The following NIBAN1 variants were observed in gnomAD, a reference collection of about 807,000 sequenced individuals.
NIBAN1 encodes protein Niban 1.
In NIBAN1, 81 loss-of-function variants were observed where a neutral mutation model predicts 75.1. The ratio of observed to expected loss-of-function variants is 1.08; its 90% CI spans 0.90 to 1.30. The LOEUF (loss-of-function observed/expected upper bound fraction) is 1.30. NIBAN1 is among the 50% of genes most tolerant of loss of function. The pLI, the probability that NIBAN1 is intolerant of heterozygous loss-of-function variation, is 0.00. For missense variants in NIBAN1, 1,133 were observed against 1,128.1 expected (o/e 1.00, Z -0.06); for synonymous variants, 436 against 424.8 (o/e 1.03, Z -0.32).
intron 1 of NIBAN1, among the ~76,000 whole-genome samples, chr1:184,937,145 C>CTTTTTTTTTT (rs138240427): frequency 4.3e-5 from 4 of 92,128 alleles, no homozygotes; most frequent in Non-Finnish European, 8.1e-5. Context: ...TAGCTGGATT[C>CTTTTTTTTTT]TTTTTTTTTT....
chr1:184,859,837 A>G (rs1655770813), intron 5 of NIBAN1, among the ~76,000 whole-genome samples: 1 of 152,168 alleles, frequency 6.6e-6, no homozygotes, highest in Non-Finnish European at 1.5e-5. Flanking sequence ...TTTCATGGGC[A>G]GCATGGTGAG....
At chr1:184,819,398 T>C (rs1006090651) in intron 8 of NIBAN1, among the ~76,000 whole-genome samples, 2 of 152,152 alleles carry the variant, frequency 1.3e-5, no homozygotes, top group Admixed American at 1.3e-4. Flanking sequence ...TAGGTTTTTC[T>C]GACCAAGATG....
chr1:184,860,397 A>T, intron 5 of NIBAN1, among the ~76,000 whole-genome samples: 1 of 152,222 alleles, frequency 6.6e-6, no homozygotes, highest in East Asian at 1.9e-4. Flanking sequence ...AAATTGTATA[A>T]TTGTGACTTA....
intron 12 of NIBAN1, among the ~76,000 whole-genome samples, chr1:184,803,085 T>C (rs1333032255): frequency 1.3e-5 from 2 of 152,232 alleles, no homozygotes; most frequent in African/African-American, 4.8e-5. Context: ...TTTAAGTGGT[T>C]TCATTGATTT....
intron 12 of NIBAN1, 84 bp downstream of exon 12, chr1:184,803,501 G>C (rs1270630627): frequency 1.4e-5 from 15 of 1,044,400 alleles, no homozygotes; most frequent in Non-Finnish European, 2.0e-5. Flanking sequence ...CTAGTCTGCT[G>C]TTTGCCAGTA....
At chr1:184,962,781 G>A (rs1439382051) in intron 1 of NIBAN1, among the ~76,000 whole-genome samples, 1 of 152,158 alleles carries the variant, frequency 6.6e-6, no homozygotes, top group African/African-American at 2.4e-5. Context: ...GGATTTGTGA[G>A]TTCATAATGA....
At chr1:184,959,120 A>G (rs1214943605) in intron 1 of NIBAN1, among the ~76,000 whole-genome samples, 2 of 152,372 alleles carry the variant, frequency 1.3e-5, no homozygotes, top group East Asian at 3.9e-4. Flanking sequence ...TGCTTTTTAA[A>G]GGAACATCCA....
intron 1 of NIBAN1, among the ~76,000 whole-genome samples, chr1:184,926,794 C>G (rs1252509903): frequency 6.6e-6 from 1 of 152,184 alleles, no homozygotes; most frequent in Non-Finnish European, 1.5e-5. Flanking sequence ...GCCAATAACT[C>G]AGACTTGCCC....
rs1270524042 is a variant in NIBAN1, at chr1:184,866,040, G to A, written c.601+18593C>T. ...TTTCAAATGATGACCTACTTCCCAT[G>A]CTCCTTTATTCAGTTAAAAAAAAAT... On this transcript the variant is annotated intron_variant, in intron 5 of 13. Coordinates refer to ENST00000367511, the MANE Select transcript of NIBAN1 (RefSeq NM_052966.4). 3.9e-5 allele frequency among the ~76,000 whole-genome samples: 6 copies of A among 151,950 alleles called. No homozygotes were observed. In the East Asian group the frequency reaches 9.7e-4, roughly 24 times the overall value.
intron 5 of NIBAN1, among the ~76,000 whole-genome samples, chr1:184,838,572 C>T (rs1047038356): frequency 6.6e-6 from 1 of 152,178 alleles, no homozygotes; most frequent in African/African-American, 2.4e-5. Context: ...GCATGGAAAA[C>T]TCATATTTGG....
chr1:184,823,052 T>A, intron 8 of NIBAN1, 115 bp downstream of exon 8: 1 of 1,265,842 alleles, frequency 7.9e-7, no homozygotes, highest in Non-Finnish European at 1.1e-6. Flanking sequence ...TGTGATCACC[T>A]CCTCCCAATT....
intron 1 of NIBAN1, among the ~76,000 whole-genome samples, chr1:184,942,871 GA>G (rs904838279): frequency 3.9e-5 from 6 of 152,078 alleles, no homozygotes; most frequent in African/African-American, 7.2e-5. Context: ...TCGAATATGA[GA>G]AAAGGGACCT....
rs904947406 is a variant in NIBAN1 at position 184,820,586 on chromosome 1, G to A, written c.986-1761C>T. Among the ~76,000 whole-genome samples, 18 of 152,194 alleles carry A rather than the reference G, an allele frequency of 1.2e-4. 1 individual carries two copies. Among genetic ancestry groups the A allele is most frequent in the South Asian group, 4.1e-4 (2 of 4,836 alleles). On this transcript the variant is annotated intron_variant, in intron 8 of 13. Transcript: ENST00000367511. Reference sequence around the variant, plus strand: ...GCTGGATAAGTTCCATGTCCCATTCGTGTATGCACTGCTATTTTTCAAGCA... The same window carrying A: ...GCTGGATAAGTTCCATGTCCCATTCATGTATGCACTGCTATTTTTCAAGCA...
At chr1:184,953,577 C>T (rs1658410400) in intron 1 of NIBAN1, among the ~76,000 whole-genome samples, 1 of 152,192 alleles carries the variant, frequency 6.6e-6, no homozygotes, top group Non-Finnish European at 1.5e-5. Context: ...GTTTGGTTAT[C>T]AGCACACCTT....
At chr1:184,919,256 T>G (rs927255578) in intron 1 of NIBAN1, among the ~76,000 whole-genome samples, 3 of 152,220 alleles carry the variant, frequency 2.0e-5, no homozygotes, top group Non-Finnish European at 2.9e-5. Flanking sequence ...TGTCCTGACC[T>G]ATAGGTGAAT....
intron 8 of NIBAN1, among the ~76,000 whole-genome samples, chr1:184,820,850 G>T (rs1172013503): frequency 6.6e-6 from 1 of 152,234 alleles, no homozygotes; most frequent in Admixed American, 6.5e-5. Context: ...AGGATTAAAT[G>T]AGTTTACTAT....
intron 1 of NIBAN1, among the ~76,000 whole-genome samples, chr1:184,929,533 C>CT (rs146841654): frequency 0.067 from 10,187 of 151,134 alleles, 387 homozygotes; most frequent in Middle Eastern, 0.11. Flanking sequence ...GTCTATGCCA[C>CT]TTTTTTTTTA....
intron 1 of NIBAN1, among the ~76,000 whole-genome samples, chr1:184,971,859 G>A (rs1286387635): frequency 1.3e-5 from 2 of 152,142 alleles, no homozygotes; most frequent in African/African-American, 4.8e-5. Flanking sequence ...GAGCATTGCC[G>A]TAATTTCCCA....
In NIBAN1 at chr1:184,795,557, C is replaced by G. The variant is rs755876221; in HGVS notation, c.2207G>C (p.Gly736Ala). ...SAPVMEEDTN[G>A]ESHVPQENEE... ...ATTTTCTTGGGGAACGTGGCTCTCC[C>G]CATTCGTATCTTCTTCCATCACTGG... is the stretch of plus-strand genomic sequence containing the variant. Residue 736 changes from glycine to alanine, a missense_variant, in exon 14 of 14, where the codon GGG (glycine) becomes GCG (alanine). Coordinates refer to ENST00000367511, the MANE Select transcript of NIBAN1 (RefSeq NM_052966.4). The G allele has an allele frequency of 5.0e-6, 8 of 1,614,064 alleles. No individual in the cohort carries two copies. Among genetic ancestry groups the G allele is most frequent in the Non-Finnish European group, 6.8e-6 (8 of 1,180,054 alleles).
Sources: gnomAD v4.1 joint callset for allele counts (sites outside exome capture counted in the v4.1 genomes callset) on GRCh38, gnomAD v4.1.1 for gene constraint, MANE v1.5 for transcripts, NCBI Gene and HGNC (gene_info 2026-07-23, HGNC 2026-07-21) for gene names.